MTUS2: variants seen among roughly 807,000 people sequenced by gnomAD.
The protein encoded by MTUS2 is microtubule-associated tumor suppressor candidate 2.
Under a neutral mutation model 114.1 loss-of-function variants are expected in MTUS2, and 40 were observed. The observed-to-expected ratio is 0.35, with a 90% CI of 0.27 to 0.46. The LOEUF is 0.46. Among genes scored for constraint, MTUS2 ranks in the 20% least tolerant of loss-of-function variants. The probability of loss-of-function intolerance (pLI) is 1.00; values close to 1 mark genes in which losing one functional copy is unlikely to be tolerated. For synonymous variants in MTUS2, 688 were observed against 672.0 expected (o/e 1.02, Z -0.37); for missense variants, 1,679 against 1,705.4 (o/e 0.98, Z 0.27).
chr13:29,428,071 A>G (rs1876679347), intron 8 of MTUS2, among the ~76,000 whole-genome samples: 1 of 152,200 alleles, frequency 6.6e-6, no homozygotes, highest in Non-Finnish European at 1.5e-5. Context: ...TACTCAAGCC[A>G]GTTGAATGGT....
At chr13:28,876,833 C>T (rs566387874) in intron 2 of MTUS2, among the ~76,000 whole-genome samples, 75 of 152,048 alleles carry the variant, frequency 4.9e-4, no homozygotes, top group Non-Finnish European at 9.9e-4. Flanking sequence ...TTTGTTATGT[C>T]CCCCATACTT....
chr13:29,436,649 G>A (rs1054041736), intron 8 of MTUS2, among the ~76,000 whole-genome samples: 1 of 152,146 alleles, frequency 6.6e-6, no homozygotes, highest in Non-Finnish European at 1.5e-5. Context: ...TTTAGAGCCT[G>A]AACTTGCAAA....
chr13:29,039,995 T>G (rs961322711), intron 4 of MTUS2, among the ~76,000 whole-genome samples: 3 of 152,226 alleles, frequency 2.0e-5, no homozygotes, highest in African/African-American at 7.2e-5. Context: ...CAGTAGTTTT[T>G]GGGGGAAAGG....
intron 7 of MTUS2, among the ~76,000 whole-genome samples, chr13:29,353,208 C>G (rs1869446877): frequency 6.6e-6 from 1 of 152,156 alleles, no homozygotes; most frequent in Non-Finnish European, 1.5e-5. Context: ...GCATCTCACT[C>G]TGTTGACCAT....
intron 2 of MTUS2, among the ~76,000 whole-genome samples, chr13:28,963,887 C>G (rs866728072): frequency 3.3e-5 from 5 of 152,210 alleles, no homozygotes; most frequent in African/African-American, 1.2e-4. Flanking sequence ...TCTTTCCCAT[C>G]TCTTGCCACT....
intron 2 of MTUS2, among the ~76,000 whole-genome samples, chr13:28,996,908 G>A (rs916231829): frequency 2.6e-5 from 4 of 151,990 alleles, no homozygotes; most frequent in African/African-American, 7.3e-5. Context: ...CTTCAGTTCT[G>A]CTCTGATCTT....
intron 2 of MTUS2, among the ~76,000 whole-genome samples, chr13:28,844,414 T>TGC (rs1491095310): frequency 2.0e-5 from 3 of 152,104 alleles, no homozygotes; most frequent in African/African-American, 7.2e-5. Context: ...TGTGTGTGTG[T>TGC]GCGCGCATGT....
intron 7 of MTUS2, among the ~76,000 whole-genome samples, chr13:29,350,240 G>A (rs1198644223): frequency 1.3e-5 from 2 of 151,732 alleles, no homozygotes; most frequent in African/African-American, 2.4e-5. Context: ...CTAATATGAA[G>A]AAATCAGCTA....
At chr13:29,212,538 AG>A (rs1895488294) in intron 5 of MTUS2, among the ~76,000 whole-genome samples, 1 of 152,228 alleles carries the variant, frequency 6.6e-6, no homozygotes. Context: ...TACAAGTAGT[AG>A]GTGTGTATGT....
At chr13:28,851,733 T>C (rs1876283039) in intron 2 of MTUS2, among the ~76,000 whole-genome samples, 1 of 148,536 alleles carries the variant, frequency 6.7e-6, no homozygotes, top group African/African-American at 2.5e-5. Flanking sequence ...TGAAGGGGCT[T>C]GTGCAAGTGA....
At chr13:28,948,924 C>T (rs1453109573) in intron 2 of MTUS2, among the ~76,000 whole-genome samples, 2 of 152,126 alleles carry the variant, frequency 1.3e-5, no homozygotes, top group Non-Finnish European at 2.9e-5. Flanking sequence ...CCCCTTTGGA[C>T]TTAAGGTTGT....
intron 5 of MTUS2, among the ~76,000 whole-genome samples, chr13:29,127,988 C>G (rs1476790068): frequency 6.6e-6 from 1 of 152,122 alleles, no homozygotes; most frequent in African/African-American, 2.4e-5. Flanking sequence ...CTGGTGAGAT[C>G]AGTGTTGAAG....
In MTUS2 at chr13:29,011,638, C is replaced by T. The variant is rs1303999720; in HGVS notation, c.-242-12819C>T. Among the ~76,000 whole-genome samples the T allele has an allele frequency of 2.0e-5, 3 of 152,158 alleles. No individual in the cohort carries two copies. The East Asian group carries it at 5.8e-4, about 29-fold the overall frequency. ...TCCTAACTGAATAATATGGTTTTTCCTTTTTAATTTATTTTCATTTCCTTA... is the reference window on the plus strand; with the variant it reads ...TCCTAACTGAATAATATGGTTTTTCTTTTTTAATTTATTTTCATTTCCTTA... On this transcript the variant is annotated intron_variant, in intron 2 of 15. Coordinates refer to ENST00000612955, the MANE Select transcript of MTUS2 (RefSeq NM_001033602.4).
intron 9 of MTUS2, among the ~76,000 whole-genome samples, chr13:29,468,079 A>G (rs1880013800): frequency 6.6e-6 from 1 of 151,974 alleles, no homozygotes; most frequent in South Asian, 2.1e-4. Flanking sequence ...TGATCACACC[A>G]CTGCACTCCA....
In MTUS2 at chr13:29,225,781, A is replaced by C. The variant is rs532206863; in HGVS notation, c.2645-55923A>C. Among the ~76,000 whole-genome samples the C allele has an allele frequency of 6.6e-5, 10 of 152,292 alleles. No homozygotes were observed. In the South Asian group the frequency reaches 1.9e-3, roughly 28 times the overall value. On this transcript the variant is annotated intron_variant, in intron 5 of 15. Transcript: ENST00000612955. ...CTGACCGAAAGAATATTTTCTGTTA[A>C]TAGAATATCTAGTGTGTGTTTTGGA...
chr13:29,071,547 C>G (rs1210131629), intron 4 of MTUS2, among the ~76,000 whole-genome samples: 2 of 149,456 alleles, frequency 1.3e-5, no homozygotes, highest in Admixed American at 1.4e-4. Context: ...CTGCCTCAGC[C>G]TCCTGAGTAG....
intron 6 of MTUS2, among the ~76,000 whole-genome samples, chr13:29,314,885 G>T (rs763395787): frequency 3.9e-5 from 6 of 152,134 alleles, no homozygotes; most frequent in Non-Finnish European, 8.8e-5. Flanking sequence ...TGTGTTTATT[G>T]CAACACTATT....
At chr13:29,318,404 A>ATTCTTT (rs1450722025) in intron 6 of MTUS2, among the ~76,000 whole-genome samples, 1 of 68,812 alleles carries the variant, frequency 1.5e-5, no homozygotes, top group South Asian at 6.3e-4. Context: ...TTTTTTTTTG[A>ATTCTTT]GATGACAGCC....
At chr13:29,340,066 G>T (rs748647704) in intron 7 of MTUS2, among the ~76,000 whole-genome samples, 14 of 152,250 alleles carry the variant, frequency 9.2e-5, no homozygotes, top group Non-Finnish European at 1.6e-4. Flanking sequence ...CAGAAAGCGC[G>T]CAAAGCATCG....
Sources: gnomAD v4.1 joint callset for allele counts (sites outside exome capture counted in the v4.1 genomes callset) on GRCh38, gnomAD v4.1.1 for gene constraint, MANE v1.5 for transcripts, NCBI Gene and HGNC (gene_info 2026-07-23, HGNC 2026-07-21) for gene names.